Variants in ROBO1 observed in about 807,000 individuals in gnomAD.
ROBO1 encodes roundabout homolog 1.
ROBO1 carries 149 observed loss-of-function variants against 195.9 expected under a neutral mutation model. That is an observed-to-expected ratio of 0.76 (90% CI 0.67 to 0.87). The LOEUF (loss-of-function observed/expected upper bound fraction) is 0.87. Ranked by LOEUF, ROBO1 falls within the 40% of genes least tolerant of loss-of-function variation. The pLI is 0.00. For missense variants in ROBO1, 1,933 were observed against 2,068.3 expected, an observed-to-expected ratio of 0.93 and a Z score of 1.27; for synonymous variants, 816 against 733.2, an observed-to-expected ratio of 1.11 and a Z score of -1.82.
Position 79,614,138 on chromosome 3 carries a change from C to T in ROBO1, c.-50-24177G>A, listed in dbSNP as rs142874245. Reference sequence around the variant, plus strand: ...ATACAGAAAACCTAAACTACACTACCAACCAATTTGACCTAATAGATATTT... The same window carrying T: ...ATACAGAAAACCTAAACTACACTACTAACCAATTTGACCTAATAGATATTT... On this transcript the variant is annotated intron_variant, in intron 1 of 30. Transcript: ENST00000464233. 8.6e-3 allele frequency among the ~76,000 whole-genome samples: 1,300 copies of T among 152,022 alleles called. 4 individuals carry two copies. Among genetic ancestry groups the T allele is most frequent in the Admixed American group, 0.013 (203 of 15,236 alleles).
intron 3 of ROBO1, among the ~76,000 whole-genome samples, chr3:79,056,107 T>C (rs1361753787): frequency 6.6e-6 from 1 of 152,110 alleles, no homozygotes; most frequent in East Asian, 1.9e-4. Flanking sequence ...TGGCCTCTCA[T>C]AGTTATTGAT....
intron 3 of ROBO1, among the ~76,000 whole-genome samples, chr3:78,977,999 T>C (rs777442038): frequency 1.3e-5 from 2 of 152,204 alleles, no homozygotes; most frequent in Non-Finnish European, 2.9e-5. Flanking sequence ...TACCAACACA[T>C]TAACCATAAA....
intron 3 of ROBO1, among the ~76,000 whole-genome samples, chr3:79,125,025 A>G (rs1051979876): frequency 6.6e-6 from 1 of 151,974 alleles, no homozygotes; most frequent in African/African-American, 2.4e-5. Flanking sequence ...TCGCTCTAAG[A>G]GTTTTGCTTT....
At chr3:78,704,127 T>C (rs1192379051) in intron 8 of ROBO1, among the ~76,000 whole-genome samples, 2 of 152,180 alleles carry the variant, frequency 1.3e-5, no homozygotes, top group African/African-American at 4.8e-5. Context: ...AAAGGTCCCT[T>C]GACACTATTA....
At chr3:79,495,243 T>C (rs1352975302) in intron 2 of ROBO1, among the ~76,000 whole-genome samples, 1 of 152,172 alleles carries the variant, frequency 6.6e-6, no homozygotes, top group Non-Finnish European at 1.5e-5. Context: ...GGGCAATTCT[T>C]ACCTATCAGA....
At chr3:79,153,296 C>T (rs2080804977) in intron 2 of ROBO1, among the ~76,000 whole-genome samples, 1 of 151,690 alleles carries the variant, frequency 6.6e-6, no homozygotes, top group African/African-American at 2.4e-5. Context: ...ATTGGGTCTC[C>T]ACTAATAAAA....
intron 4 of ROBO1, among the ~76,000 whole-genome samples, chr3:78,878,583 C>CAAAAAA (rs35108863): frequency 1.9e-4 from 9 of 46,316 alleles, no homozygotes; most frequent in East Asian, 8.1e-4. Flanking sequence ...AACCCCATCT[C>CAAAAAA]AAAAAAAAAA....
At chr3:78,841,200 G>T (rs967237198) in intron 4 of ROBO1, among the ~76,000 whole-genome samples, 3 of 151,982 alleles carry the variant, frequency 2.0e-5, no homozygotes, top group African/African-American at 7.2e-5. Context: ...TAAGAATCAT[G>T]GATAAACCAA....
At chr3:79,457,661 T>G (rs980605736) in intron 2 of ROBO1, among the ~76,000 whole-genome samples, 1 of 152,122 alleles carries the variant, frequency 6.6e-6, no homozygotes, top group African/African-American at 2.4e-5. Flanking sequence ...TGTCATGATC[T>G]TGAATAAGTC....
chr3:79,467,676 A>G (rs1938039415), intron 2 of ROBO1, among the ~76,000 whole-genome samples: 1 of 151,986 alleles, frequency 6.6e-6, no homozygotes, highest in Admixed American at 6.6e-5. Flanking sequence ...AATCCCTCAC[A>G]TTTACCATCC....
chr3:79,316,920 A>C (rs555768518), intron 2 of ROBO1, among the ~76,000 whole-genome samples: 1 of 152,300 alleles, frequency 6.6e-6, no homozygotes, highest in Admixed American at 6.5e-5. Context: ...TCATCACTTC[A>C]GAATATGAAA....
At chr3:78,782,741 G>A (rs1185075517) in intron 4 of ROBO1, among the ~76,000 whole-genome samples, 1 of 152,006 alleles carries the variant, frequency 6.6e-6, no homozygotes, top group Non-Finnish European at 1.5e-5. Context: ...ACATATTCTA[G>A]GATTATTAAT....
chr3:78,738,001 G>A (rs1478518317), intron 5 of ROBO1, among the ~76,000 whole-genome samples: 1 of 152,118 alleles, frequency 6.6e-6, no homozygotes. Context: ...TATTAAGTAT[G>A]TTAATTTCCT....
intron 4 of ROBO1, among the ~76,000 whole-genome samples, chr3:78,927,574 T>C (rs1420406752): frequency 6.6e-6 from 1 of 152,196 alleles, no homozygotes; most frequent in Non-Finnish European, 1.5e-5. Flanking sequence ...TTAAAAGTCT[T>C]TTTAAAGAAG....
chr3:79,546,438 C>CA (rs755301285), intron 2 of ROBO1, among the ~76,000 whole-genome samples: 3 of 151,970 alleles, frequency 2.0e-5, no homozygotes, highest in Non-Finnish European at 4.4e-5. Flanking sequence ...TCTCGAAAGA[C>CA]AAAGATAAGA....
Position 79,693,310 on chromosome 3 carries a change from C to A in ROBO1, c.-51+74442G>T, listed in dbSNP as rs373791372. ...ATAAAACAAAGACAGGAAATGTGGT[C>A]TTTCTAAAGTAGTTTTATTGAAATA... On this transcript the variant is annotated intron_variant, in intron 1 of 30. Coordinates refer to ENST00000464233, the MANE Select transcript of ROBO1 (RefSeq NM_002941.4). Among the ~76,000 whole-genome samples, 70 of 151,604 alleles carry A rather than the reference C, an allele frequency of 4.6e-4. 1 individual carries two copies. The East Asian group carries it at 0.011, about 24-fold the overall frequency.
At chr3:78,807,076 G>A (rs931418172) in intron 4 of ROBO1, among the ~76,000 whole-genome samples, 1 of 151,994 alleles carries the variant, frequency 6.6e-6, no homozygotes, top group African/African-American at 2.4e-5. Context: ...CCAAGGTGCT[G>A]GTATTACAGG....
chr3:78,988,144 A>C (rs1576519138), intron 3 of ROBO1, among the ~76,000 whole-genome samples: 1 of 152,224 alleles, frequency 6.6e-6, no homozygotes, highest in South Asian at 2.1e-4. Context: ...CTAACTATCC[A>C]AATGTCATTT....
At position 78,606,868 on chromosome 3, in the gene ROBO1, C is replaced by T; in HGVS notation, c.4609G>A (p.Gly1537Arg). ...SSYKGREVLD[G>R]RQVVDMRTNP... Reference sequence around the variant, plus strand: ...GTTCGCATGTCAACAACCTGTCTTCCATCCAACACTTCTCTCCCCTTGTAA... The same window carrying T: ...GTTCGCATGTCAACAACCTGTCTTCTATCCAACACTTCTCTCCCCTTGTAA... Residue 1537 changes from glycine to arginine, a missense_variant, in exon 29 of 31, where the codon GGA becomes AGA. This residue lies in a region of ROBO1 where 1,737 missense variants were observed against 1,882.5 expected (regional missense o/e 0.92). Coordinates refer to ENST00000464233, the MANE Select transcript of ROBO1 (RefSeq NM_002941.4). 1 of 1,613,844 alleles carries T rather than the reference C, an allele frequency of 6.2e-7. No individual in the cohort carries two copies.
Sources: gnomAD v4.1 joint callset for allele counts (sites outside exome capture counted in the v4.1 genomes callset) on GRCh38, gnomAD v4.1.1 for gene constraint, gnomAD v4.1.1 regional missense constraint, MANE v1.5 for transcripts, NCBI Gene and HGNC (gene_info 2026-07-23, HGNC 2026-07-21) for gene names.